Variants in RANBP2 observed in about 807,000 individuals in gnomAD.
RANBP2 encodes the protein RAN binding protein 2, also known as E3 SUMO-protein ligase RanBP2.
Under a neutral mutation model 303.6 loss-of-function variants are expected in RANBP2, and 57 were observed. That is an observed-to-expected ratio of 0.19 (90% CI 0.15 to 0.23). The LOEUF (loss-of-function observed/expected upper bound fraction) is 0.23, where lower values mean the gene tolerates loss of function less well. RANBP2 is among the 10% of genes least tolerant of loss of function. The pLI, the probability that RANBP2 is intolerant of heterozygous loss-of-function variation, is 1.00. For synonymous variants in RANBP2, 1,167 were observed against 1,301.5 expected, an observed-to-expected ratio of 0.90 and a Z score of 2.23; for missense variants, 3,138 against 3,780.8, an observed-to-expected ratio of 0.83 and a Z score of 4.46.
the RANBP2 span, among the ~76,000 whole-genome samples, chr2:109,418,365 T>C: frequency 6.6e-6 from 1 of 152,132 alleles, no homozygotes; most frequent in Non-Finnish European, 1.5e-5. Context: ...CAGAAAGCTG[T>C]TCTCTCACAG....
the RANBP2 span, among the ~76,000 whole-genome samples, chr2:109,133,249 C>T: frequency 2.6e-5 from 4 of 152,280 alleles, no homozygotes; most frequent in East Asian, 1.9e-4. Flanking sequence ...ATATAAAAGT[C>T]GGCATTACAG....
the RANBP2 span, among the ~76,000 whole-genome samples, chr2:109,348,985 G>A: frequency 6.6e-6 from 1 of 151,916 alleles, no homozygotes; most frequent in African/African-American, 2.4e-5. Flanking sequence ...CTCCTCACTC[G>A]TTCTGTCTTG....
At chr2:109,427,144 T>C in the RANBP2 span, among the ~76,000 whole-genome samples, 3 of 152,036 alleles carry the variant, frequency 2.0e-5, no homozygotes, top group South Asian at 6.2e-4. Flanking sequence ...AATTTTCGTC[T>C]TTTTAGTAGA....
the RANBP2 span, among the ~76,000 whole-genome samples, chr2:109,455,289 T>C: frequency 2.6e-5 from 4 of 152,144 alleles, no homozygotes; most frequent in Non-Finnish European, 4.4e-5. Context: ...GTGTCTGCCT[T>C]CTGGGTCCAC....
chr2:109,483,893 T>C, the RANBP2 span, among the ~76,000 whole-genome samples: 2 of 152,076 alleles, frequency 1.3e-5, no homozygotes, highest in Non-Finnish European at 2.9e-5. Flanking sequence ...GAAGCACCTC[T>C]GCAGCCAGGG....
the RANBP2 span, among the ~76,000 whole-genome samples, chr2:109,352,938 A>G: frequency 9.3e-3 from 1,419 of 152,374 alleles, 19 homozygotes; most frequent in African/African-American, 0.032. Context: ...GCTTTGCCAG[A>G]AATTTTCAGA....
chr2:109,146,416 T>G, the RANBP2 span, among the ~76,000 whole-genome samples: 1 of 152,070 alleles, frequency 6.6e-6, no homozygotes, highest in South Asian at 2.1e-4. Flanking sequence ...TTCTGTGGAG[T>G]CTGTGGAGTC....
At chr2:108,965,342 G>A in the RANBP2 span, among the ~76,000 whole-genome samples, 9 of 152,136 alleles carry the variant, frequency 5.9e-5, no homozygotes, top group Admixed American at 1.3e-4. Flanking sequence ...TTAGCTGGGC[G>A]TGGTGGTGGG....
chr2:109,220,756 G>T, the RANBP2 span, among the ~76,000 whole-genome samples: 1 of 152,306 alleles, frequency 6.6e-6, no homozygotes, highest in East Asian at 1.9e-4. Context: ...TTTCCAAAAA[G>T]TAGAAGATAA....
At chr2:108,850,698 G>A in the RANBP2 span, among the ~76,000 whole-genome samples, 1 of 152,034 alleles carries the variant, frequency 6.6e-6, no homozygotes, top group Non-Finnish European at 1.5e-5. Flanking sequence ...TGATCTGCCC[G>A]CCTCAACCTC....
chr2:108,957,042 G>A, the RANBP2 span, among the ~76,000 whole-genome samples: 4 of 152,148 alleles, frequency 2.6e-5, no homozygotes, highest in African/African-American at 9.7e-5. Flanking sequence ...TGCCTGCCTC[G>A]GCCTCCCAAA....
At chr2:109,496,055 G>A in the RANBP2 span, among the ~76,000 whole-genome samples, 3 of 152,192 alleles carry the variant, frequency 2.0e-5, no homozygotes, top group African/African-American at 7.2e-5. Flanking sequence ...GGACCCACCG[G>A]GTTGCCCTGG....
At chr2:109,325,327 CTTTCTTTTTTTTT>C in the RANBP2 span, among the ~76,000 whole-genome samples, 1 of 110,274 alleles carries the variant, frequency 9.1e-6, no homozygotes, top group African/African-American at 3.6e-5. Context: ...TTCTTTCTTT[CTTTCTTTTTTTTT>C]TTTTTTTTTT....
chr2:108,930,795 G>C, the RANBP2 span, among the ~76,000 whole-genome samples: 71 of 152,310 alleles, frequency 4.7e-4, no homozygotes, highest in Middle Eastern at 3.4e-3. Flanking sequence ...ACTTCAGCCT[G>C]GGGCAGAGTT....
chr2:108,728,828 A>G (rs1347465053), intron 1 of RANBP2, among the ~76,000 whole-genome samples: 3 of 151,956 alleles, frequency 2.0e-5, no homozygotes, highest in East Asian at 3.9e-4. Flanking sequence ...TATTTTTGTC[A>G]AGACGGGGTT....
the RANBP2 span, among the ~76,000 whole-genome samples, chr2:109,361,348 A>G: frequency 6.6e-6 from 1 of 152,234 alleles, no homozygotes; most frequent in African/African-American, 2.4e-5. Flanking sequence ...GTTAGGAAAT[A>G]TTCTTTCTGC....
the RANBP2 span, among the ~76,000 whole-genome samples, chr2:109,231,047 G>A: frequency 6.6e-6 from 1 of 152,374 alleles, no homozygotes; most frequent in Admixed American, 6.5e-5. Flanking sequence ...AGCACGGACA[G>A]AGCAGCAGAG....
the RANBP2 span, among the ~76,000 whole-genome samples, chr2:108,879,495 A>T: frequency 6.6e-6 from 1 of 152,212 alleles, no homozygotes; most frequent in Admixed American, 6.5e-5. Context: ...AGTCTCAAAG[A>T]ATTATGGAGA....
At chr2:109,450,850 G>T in the RANBP2 span, among the ~76,000 whole-genome samples, 1 of 152,224 alleles carries the variant, frequency 6.6e-6, no homozygotes, top group Non-Finnish European at 1.5e-5. Context: ...TGGCTTGACT[G>T]ATTCTGCAGA....
Sources: allele counts gnomAD v4.1 joint callset (sites outside exome capture counted in the v4.1 genomes callset), GRCh38; gene constraint gnomAD v4.1.1; transcripts MANE v1.5; gene names NCBI Gene and HGNC (gene_info 2026-07-23, HGNC 2026-07-21).